Variants in CLCN6 observed in about 807,000 individuals in gnomAD.
CLCN6 encodes the protein H(+)/Cl(-) exchange transporter 6.
CLCN6 carries 70 observed loss-of-function variants against 109.8 expected under a neutral mutation model. The ratio of observed to expected loss-of-function variants is 0.64; its 90% confidence interval spans 0.53 to 0.78. The LOEUF is 0.78. CLCN6 is among the 30% of genes least tolerant of loss of function. The pLI, the probability that CLCN6 is intolerant of heterozygous loss-of-function variation, is 0.00. For synonymous variants in CLCN6, 444 were observed against 447.8 expected (o/e 0.99, Z 0.11); for missense variants, 984 against 1,142.3 (o/e 0.86, Z 2.00).
intron 1 of CLCN6, 122 bp downstream of exon 1, chr1:11,806,471 C>T (rs1644512420): frequency 2.4e-5 from 20 of 840,596 alleles, no homozygotes; most frequent in South Asian, 8.3e-5. Flanking sequence ...GGCCTGGGGA[C>T]CGCAGCCAGG....
At position 11,840,134 on chromosome 1, in the gene CLCN6, T is replaced by C; in HGVS notation, c.2530-9T>C. 6.2e-7 allele frequency: 1 copy of C among 1,613,614 alleles called. No individual in the cohort carries two copies. The highest frequency in any genetic ancestry group is 8.5e-7 in the Non-Finnish European group (1 of 1,179,730). ...CCTGAAGGTGACTCAGGCCTTCTCTTTGCCCTAGATCGTGGGGATCATCAC... is the reference window on the plus strand; with the variant it reads ...CCTGAAGGTGACTCAGGCCTTCTCTCTGCCCTAGATCGTGGGGATCATCAC... On this transcript the variant is annotated splice_polypyrimidine_tract_variant and intron_variant, in intron 22 of 22. Coordinates refer to ENST00000346436, the MANE Select transcript of CLCN6 (RefSeq NM_001286.5).
At position 11,833,877 on chromosome 1, in the gene CLCN6, G is replaced by A. The variant is rs1644910099; in HGVS notation, c.1373G>A (p.Gly458Asp). Reference sequence around the variant, plus strand: ...ACTCAGGTTGGCTCTTCCCTTGCAGGTACTTTCAGCCCCGTCACTCTGGCC... The same window carrying A: ...ACTCAGGTTGGCTCTTCCCTTGCAGATACTTTCAGCCCCGTCACTCTGGCC... ...SAILQLFHQD[G>D]TFSPVTLALF... is the part of the protein sequence containing the mutation. Residue 458 changes from glycine to aspartate, a missense_variant and splice_region_variant, in exon 15 of 23, where the codon GGT becomes GAT. Transcript: ENST00000346436. 6.2e-7 allele frequency: 1 copy of A among 1,608,834 alleles called. No homozygotes were observed. Among genetic ancestry groups the A allele is most frequent in the Non-Finnish European group, 8.5e-7 (1 of 1,177,750 alleles).
chr1:11,808,227 T>G lies in CLCN6; in HGVS notation c.147+1037T>G, dbSNP rs12025194. ...TTTTTTATTGTATGTGTGTGTGTGTTTGTGTGTGTGTGTGTGTGTGTGTGT... is the reference window on the plus strand; with the variant it reads ...TTTTTTATTGTATGTGTGTGTGTGTGTGTGTGTGTGTGTGTGTGTGTGTGT... On this transcript the variant is annotated intron_variant, in intron 2 of 22. Coordinates refer to ENST00000346436, the MANE Select transcript of CLCN6 (RefSeq NM_001286.5). 1.5e-4 allele frequency among the ~76,000 whole-genome samples: 21 copies of G among 139,260 alleles called. No individual in the cohort carries two copies. In the South Asian group the frequency reaches 3.0e-3, roughly 20 times the overall value. 91.4% of individuals were successfully genotyped at this position (139,260 alleles called of 152,430 possible).
At position 11,807,160 on chromosome 1, in the gene CLCN6, G is replaced by A. The variant is rs752842955; in HGVS notation, c.117G>A (p.Glu39=). ...LTILGETQEE[E]DEILPRKDYE... is the part of the protein sequence containing the mutation. Reference sequence around the variant, plus strand: ...TCCTTGGAGAAACACAGGAGGAGGAGGATGAGATTCTTCCAAGGAAAGACT... The same window carrying A: ...TCCTTGGAGAAACACAGGAGGAGGAAGATGAGATTCTTCCAAGGAAAGACT... Residue 39 remains glutamate, a synonymous_variant, in exon 2 of 23, where the codon GAG becomes GAA. Transcript: ENST00000346436. The A allele has an allele frequency of 6.2e-6, 10 of 1,614,204 alleles. No individual in the cohort carries two copies. The South Asian group carries it at 7.7e-5, about 12-fold the overall frequency.
rs1644911302 is a variant in CLCN6 at position 11,833,963 on chromosome 1, G to A, written c.1459G>A (p.Gly487Ser). Residue 487 changes from glycine (G) to serine (S), a missense_variant, in exon 15 of 23, where the codon GGC becomes AGC. Physicochemically the swap from Gly to Ser is moderately conservative, Grantham distance 56. Transcript: ENST00000346436. ...CWTYGISVPS[G>S]LFVPSLLCGA... Reference sequence around the variant, plus strand: ...GACTTACGGCATTTCTGTTCCAAGTGGCCTTTTTGTGCCTTCTCTGCTGTG... The same window carrying A: ...GACTTACGGCATTTCTGTTCCAAGTAGCCTTTTTGTGCCTTCTCTGCTGTG... The A allele has an allele frequency of 6.2e-7, 1 of 1,613,958 alleles. No homozygotes were observed. The highest frequency in any genetic ancestry group is 8.5e-7 in the Non-Finnish European group (1 of 1,179,982).
intron 10 of CLCN6, among the ~76,000 whole-genome samples, 158 bp downstream of exon 10, chr1:11,827,379 C>T (rs539408844): frequency 2.0e-5 from 3 of 149,822 alleles, no homozygotes; most frequent in Admixed American, 2.0e-4. Context: ...ACTGGACTTT[C>T]TGTACTTCTC....
intron 2 of CLCN6, among the ~76,000 whole-genome samples, chr1:11,809,700 C>G (rs1442508549): frequency 2.0e-5 from 3 of 152,170 alleles, no homozygotes; most frequent in African/African-American, 7.2e-5. Context: ...TCAGGTGATC[C>G]ACCCACCTCA....
chr1:11,811,999 C>T (rs577896765), intron 2 of CLCN6, among the ~76,000 whole-genome samples: 1 of 152,188 alleles, frequency 6.6e-6, no homozygotes, highest in East Asian at 1.9e-4. Flanking sequence ...GTTGTTTCCC[C>T]ACTACTCAGG....
intron 6 of CLCN6, 152 bp from the exon 7 acceptor site, chr1:11,823,555 C>T: frequency 4.4e-6 from 4 of 905,178 alleles, no homozygotes; most frequent in Non-Finnish European, 6.8e-6. Context: ...TGGAGTGGGG[C>T]CCAGCAGCTG....
Position 11,827,430 on chromosome 1 carries a change from C to CTTTTTTTTTTTTTT in CLCN6, c.840+219_840+232dup, listed in dbSNP as rs59015951. Among the ~76,000 whole-genome samples the CTTTTTTTTTTTTTT allele has an allele frequency of 4.8e-5, 5 of 105,020 alleles. 1 individual carries two copies. Among genetic ancestry groups the CTTTTTTTTTTTTTT allele is most frequent in the Non-Finnish European group, 7.5e-5 (4 of 53,448 alleles). The allele number at this position is 105,020 out of a possible 152,430, so 68.9% of individuals were successfully genotyped here. A position where few individuals can be genotyped will look rare whatever the true frequency, so the allele number is the denominator to read the frequency against. On this transcript the variant is annotated intron_variant, in intron 10 of 22. Coordinates refer to ENST00000346436, the MANE Select transcript of CLCN6 (RefSeq NM_001286.5). The stretch of plus-strand genomic sequence containing the variant: ...CTAACCCCAAATCAAACCGCTGTTA[C>CTTTTTTTTTTTTTT]TTTTTTTTTTTTTTTTTTTTTTTGA...
chr1:11,807,422 CTGGATAGAGTA>C (rs1644531580), intron 2 of CLCN6, among the ~76,000 whole-genome samples: 1 of 152,198 alleles, frequency 6.6e-6, no homozygotes, highest in African/African-American at 2.4e-5. Flanking sequence ...GCACCTTAAC[CTGGATAGAGTA>C]TGTATTTGCC....
rs1395147625 is a variant in CLCN6 at position 11,836,987 on chromosome 1, C to T, written c.1981-12C>T. The T allele has an allele frequency of 1.2e-6, 2 of 1,606,540 alleles. No homozygotes were observed. The highest frequency in any genetic ancestry group is 1.7e-6 in the Non-Finnish European group (2 of 1,179,928). Reference sequence around the variant, plus strand: ...GCCCATGCGCAGTAGCCTGTGGCCTCCCCACCCACAGAAATCCAGCATCCT... The same window carrying T: ...GCCCATGCGCAGTAGCCTGTGGCCTTCCCACCCACAGAAATCCAGCATCCT... On this transcript the variant is annotated splice_polypyrimidine_tract_variant and intron_variant, in intron 18 of 22. Transcript: ENST00000346436.
At chr1:11,825,488 C>T (rs1316738579) in intron 8 of CLCN6, among the ~76,000 whole-genome samples, 2 of 152,240 alleles carry the variant, frequency 1.3e-5, no homozygotes, top group African/African-American at 4.8e-5. Flanking sequence ...CTTCCCTCAG[C>T]TCAGCCATTT....
chr1:11,836,511 C>G (rs907257910), intron 18 of CLCN6, among the ~76,000 whole-genome samples: 2 of 152,174 alleles, frequency 1.3e-5, no homozygotes, highest in Non-Finnish European at 2.9e-5. Flanking sequence ...CAGGAAAGCT[C>G]AGGACAGCTG....
chr1:11,806,778 T>C, intron 1 of CLCN6: 1 of 358,662 alleles, frequency 2.8e-6, no homozygotes, highest in Non-Finnish European at 5.1e-6. Context: ...CTGGGAAAAC[T>C]TGAGTTGTGT....
intron 2 of CLCN6, among the ~76,000 whole-genome samples, chr1:11,812,671 TGTG>T (rs1459142761): frequency 5.8e-5 from 4 of 69,072 alleles, no homozygotes; most frequent in Non-Finnish European, 1.1e-4. Context: ...TGTTTGTGTG[TGTG>T]TGTGTGTGTG....
Position 11,823,774 on chromosome 1 carries a change from T to G in CLCN6, c.521T>G (p.Ile174Ser). The G allele has an allele frequency of 6.2e-7, 1 of 1,614,260 alleles. No homozygotes were observed. Residue 174 changes from isoleucine to serine, a missense_variant, in exon 7 of 23, where the codon ATC becomes AGC. Ile to Ser is a moderately radical substitution (Grantham distance 142). Coordinates refer to ENST00000346436, the MANE Select transcript of CLCN6 (RefSeq NM_001286.5). ...CTGAATGGCGTAAAGGTGCCAGGAATCGTCCGTCTCCGGACCCTGCTCTGC... is the reference window on the plus strand; with the variant it reads ...CTGAATGGCGTAAAGGTGCCAGGAAGCGTCCGTCTCCGGACCCTGCTCTGC... ...CYLNGVKVPG[I>S]VRLRTLLCKV... is the part of the protein sequence containing the mutation.
intron 14 of CLCN6, 78 bp downstream of exon 14, chr1:11,833,716 G>A: frequency 1.3e-6 from 2 of 1,594,858 alleles, no homozygotes; most frequent in Non-Finnish European, 1.7e-6. Flanking sequence ...TTCATTCCAA[G>A]CAAGACCAGG....
At chr1:11,814,523 C>T (rs1180416232) in intron 2 of CLCN6, among the ~76,000 whole-genome samples, 1 of 151,608 alleles carries the variant, frequency 6.6e-6, no homozygotes, top group Non-Finnish European at 1.5e-5. Flanking sequence ...GCTGGGATTA[C>T]AGGTGTGAGC....
Sources: gnomAD v4.1 joint callset for allele counts (sites outside exome capture counted in the v4.1 genomes callset) on GRCh38, gnomAD v4.1.1 for gene constraint, MANE v1.5 for transcripts, NCBI Gene and HGNC (gene_info 2026-07-23, HGNC 2026-07-21) for gene names.